The following SH3KBP1 variants were observed in gnomAD, a reference collection of about 807,000 sequenced individuals.
SH3KBP1 encodes SH3 domain containing kinase binding protein 1, also known as SH3 domain-containing kinase-binding protein 1.
In SH3KBP1, 8 loss-of-function variants were observed where a neutral mutation model predicts 50.1. The observed-to-expected ratio is 0.16, with a 90% CI of 0.09 to 0.29. SH3KBP1 has a LOEUF of 0.29. Ranked by LOEUF, SH3KBP1 falls within the 10% of genes least tolerant of loss-of-function variation. The probability of loss-of-function intolerance (pLI) is 1.00; values close to 1 mark genes in which losing one functional copy is unlikely to be tolerated. For synonymous variants in SH3KBP1, 227 were observed against 218.6 expected (o/e 1.04, Z -0.34); for missense variants, 377 against 535.2 (o/e 0.70, Z 2.92).
chrX:19,867,849 G>C (rs1028772763), intron 1 of SH3KBP1, among the ~76,000 whole-genome samples: 8 of 110,756 alleles, frequency 7.2e-5, no homozygotes, highest in Non-Finnish European at 1.3e-4. Context: ...AGAAGAAAGT[G>C]ACTGATGAAA....
chrX:19,727,230 T>C (rs759665778), intron 3 of SH3KBP1, among the ~76,000 whole-genome samples: 22 of 112,334 alleles, frequency 2.0e-4, no homozygotes, highest in African/African-American at 2.9e-4. Flanking sequence ...TACACTCACA[T>C]TGTTGTGCAA....
chrX:19,853,624 C>T (rs916445680), intron 1 of SH3KBP1, among the ~76,000 whole-genome samples: 1 of 110,991 alleles, frequency 9.0e-6, no homozygotes, highest in African/African-American at 3.3e-5. Context: ...TCTCCTCCTC[C>T]CTTCCCCCTG....
intron 2 of SH3KBP1, among the ~76,000 whole-genome samples, chrX:19,806,001 A>G (rs1271808533): frequency 9.0e-6 from 1 of 111,481 alleles, no homozygotes; most frequent in East Asian, 2.8e-4. Context: ...CTTTTGGTGT[A>G]TCAAGAAAGG....
intron 12 of SH3KBP1, among the ~76,000 whole-genome samples, chrX:19,579,619 G>A (rs909952399): frequency 5.3e-5 from 6 of 112,358 alleles, no homozygotes; most frequent in African/African-American, 1.9e-4. Flanking sequence ...CTCAGCCTGG[G>A]CTGAGGCTAA....
intron 1 of SH3KBP1, among the ~76,000 whole-genome samples, chrX:19,881,689 C>A (rs142424848): frequency 9.0e-6 from 1 of 111,252 alleles, no homozygotes; most frequent in Non-Finnish European, 1.9e-5. Flanking sequence ...CGTCAATAGG[C>A]GACACCTGAA....
intron 6 of SH3KBP1, among the ~76,000 whole-genome samples, chrX:19,663,494 G>C (rs1469934802): frequency 1.8e-5 from 2 of 111,151 alleles, no homozygotes; most frequent in Non-Finnish European, 3.8e-5. Context: ...CTTCCACAAA[G>C]ACCTGCTATA....
intron 13 of SH3KBP1, among the ~76,000 whole-genome samples, chrX:19,568,243 A>G (rs1335039383): frequency 1.8e-5 from 2 of 112,011 alleles, no homozygotes. Flanking sequence ...ATATTTTAAA[A>G]TAGTGTAATT....
chrX:19,572,759 T>A lies in SH3KBP1; in HGVS notation c.1299-3571A>T, dbSNP rs1032524990. Among the ~76,000 whole-genome samples the A allele has an allele frequency of 1.3e-4, 15 of 111,608 alleles. No individual in the cohort carries two copies. The East Asian group carries it at 4.2e-3, about 31-fold the overall frequency. On this transcript the variant is annotated intron_variant, in intron 12 of 17. Transcript: ENST00000397821. ...AATAGGAAAACACTTGAATAAACTA[T>A]GATATTTGATGGACTTTTATATAGC...
chrX:19,562,222 T>A (rs2065702484), intron 13 of SH3KBP1, among the ~76,000 whole-genome samples: 1 of 111,824 alleles, frequency 8.9e-6, no homozygotes, highest in Non-Finnish European at 1.9e-5. Context: ...GCTTTTAATG[T>A]GACAAAGGGA....
chrX:19,787,079 C>T lies in SH3KBP1; in HGVS notation c.163-40638G>A, dbSNP rs187422410. ...GTTAATATTGTCTTGAGCTGGTATT[C>T]TCCCTCCTCTCCTGGGATCTCTAAC... On this transcript the variant is annotated intron_variant, in intron 2 of 17. Transcript: ENST00000397821. 6.3e-3 allele frequency among the ~76,000 whole-genome samples: 699 copies of T among 111,420 alleles called. 10 individuals are homozygous for T. Among genetic ancestry groups the T allele is most frequent in the Admixed American group, 0.06 (630 of 10,439 alleles).
At chrX:19,857,193 T>G (rs2068670552) in intron 1 of SH3KBP1, among the ~76,000 whole-genome samples, 2 of 108,974 alleles carry the variant, frequency 1.8e-5, no homozygotes, top group Non-Finnish European at 3.8e-5. Context: ...CTGTCCTTGA[T>G]ACAAGCTCAA....
chrX:19,857,636 C>G (rs907747099), intron 1 of SH3KBP1, among the ~76,000 whole-genome samples: 1 of 111,072 alleles, frequency 9.0e-6, no homozygotes, highest in African/African-American at 3.3e-5. Context: ...GCAGGAGAAT[C>G]GCTTGAACCT....
intron 13 of SH3KBP1, among the ~76,000 whole-genome samples, chrX:19,568,328 G>A (rs914708901): frequency 2.7e-5 from 3 of 112,131 alleles, no homozygotes; most frequent in Non-Finnish European, 1.9e-5. Context: ...CTTGCACATG[G>A]TTGCAAGTTT....
intron 8 of SH3KBP1, among the ~76,000 whole-genome samples, chrX:19,609,540 A>C (rs1175756341): frequency 8.9e-6 from 1 of 111,988 alleles, no homozygotes. Flanking sequence ...ACATAAGGGA[A>C]AGCAAGAAGG....
intron 1 of SH3KBP1, among the ~76,000 whole-genome samples, chrX:19,868,475 AACTTAAC>A (rs2068964547): frequency 9.1e-6 from 1 of 109,544 alleles, no homozygotes. Flanking sequence ...CAGTTCTGAC[AACTTAAC>A]ACTTAAAATA....
At chrX:19,603,122 T>A (rs1454954650) in intron 9 of SH3KBP1, among the ~76,000 whole-genome samples, 1 of 112,356 alleles carries the variant, frequency 8.9e-6, no homozygotes, top group East Asian at 2.8e-4. Flanking sequence ...AAGGCAGTGG[T>A]GCAGTGCTCT....
chrX:19,686,838 A>G (rs1050248871), intron 5 of SH3KBP1, among the ~76,000 whole-genome samples: 3 of 111,483 alleles, frequency 2.7e-5, no homozygotes, highest in South Asian at 7.5e-4. Context: ...CTTCAAGGTG[A>G]AAAAAAAGAA....
intron 2 of SH3KBP1, among the ~76,000 whole-genome samples, chrX:19,832,938 G>A (rs753081367): frequency 1.2e-4 from 13 of 112,519 alleles, no homozygotes; most frequent in South Asian, 3.6e-4. Flanking sequence ...CTGACAGCGC[G>A]CCAGCCCTAT....
intron 2 of SH3KBP1, among the ~76,000 whole-genome samples, chrX:19,777,832 C>A (rs2066028034): frequency 8.9e-6 from 1 of 111,749 alleles, no homozygotes; most frequent in Admixed American, 9.5e-5. Context: ...CTGGCCCCAG[C>A]CCAGACTATT....
Sources: allele counts gnomAD v4.1 joint callset (sites outside exome capture counted in the v4.1 genomes callset), GRCh38; gene constraint gnomAD v4.1.1; transcripts MANE v1.5; gene names NCBI Gene and HGNC (gene_info 2026-07-23, HGNC 2026-07-21).